Variants in HIPK3 observed in about 807,000 individuals in gnomAD.
HIPK3 encodes homeodomain-interacting protein kinase 3.
HIPK3 carries 47 observed loss-of-function variants against 124.2 expected under a neutral mutation model. That is an observed-to-expected ratio of 0.38 (90% CI 0.30 to 0.48). HIPK3 has a LOEUF of 0.48. Ranked by LOEUF, HIPK3 falls within the 20% of genes least tolerant of loss-of-function variation. The pLI is 0.98. For missense variants in HIPK3, 1,286 were observed against 1,454.3 expected (o/e 0.88, Z 1.88); for synonymous variants, 482 against 515.2 (o/e 0.94, Z 0.87).
intron 2 of HIPK3, among the ~76,000 whole-genome samples, chr11:33,307,565 A>ATT (rs550529907): frequency 1.4e-5 from 2 of 141,178 alleles, no homozygotes; most frequent in African/African-American, 2.6e-5. Context: ...CGCCTGGCTA[A>ATT]TTTTTTTTTT....
chr11:33,287,492 C>G lies in HIPK3; in HGVS notation c.1078C>G (p.Leu360Val). Residue 360 changes from leucine to valine, a missense_variant, in exon 2 of 17, where the codon CTA (leucine) becomes GTA (valine). Leu to Val is a conservative substitution (Grantham distance 32). Coordinates refer to ENST00000303296, the MANE Select transcript of HIPK3 (RefSeq NM_005734.5). ...HVSKTVCSTY[L>V]QSRYYRAPEI... The stretch of plus-strand genomic sequence containing the variant: ...ATCAAAGACTGTTTGTTCAACATAT[C>G]TACAATCTCGGTACTACAGGTAGGT... 8 of 1,611,018 alleles carry G rather than the reference C, an allele frequency of 5.0e-6. No homozygotes were observed. The highest frequency in any genetic ancestry group is 6.8e-6 in the Non-Finnish European group (8 of 1,177,850).
chr11:33,262,488 CA>C (rs2133861962), intron 1 of HIPK3, among the ~76,000 whole-genome samples: 1 of 152,340 alleles, frequency 6.6e-6, no homozygotes, highest in South Asian at 2.1e-4. Flanking sequence ...TCTGAGACAC[CA>C]CTGTTATGCC....
At chr11:33,267,197 A>G (rs1850990250) in intron 1 of HIPK3, among the ~76,000 whole-genome samples, 1 of 150,398 alleles carries the variant, frequency 6.6e-6, no homozygotes, top group African/African-American at 2.5e-5. Context: ...ATCTGGGCTC[A>G]CTGCAACCTC....
intron 2 of HIPK3, among the ~76,000 whole-genome samples, chr11:33,320,145 G>C (rs1401228769): frequency 6.6e-6 from 1 of 152,234 alleles, no homozygotes; most frequent in Non-Finnish European, 1.5e-5. Context: ...TGGGAGAATG[G>C]TAGGAAGTTT....
At chr11:33,256,755 G>A, upstream of HIPK3, 1 of 973,576 alleles carries the variant, frequency 1.0e-6, no homozygotes, top group South Asian at 4.7e-5. Flanking sequence ...ATGTGGAGGT[G>A]GGCGAACTTC....
intron 1 of HIPK3, among the ~76,000 whole-genome samples, chr11:33,268,997 T>C (rs1851050740): frequency 6.6e-6 from 1 of 152,220 alleles, no homozygotes; most frequent in Non-Finnish European, 1.5e-5. Flanking sequence ...TTAGGGACCA[T>C]GCTCTTACCT....
chr11:33,341,538 C>T lies in HIPK3; in HGVS notation c.1774-25C>T, dbSNP rs755038088. 8 of 1,588,886 alleles carry T rather than the reference C, an allele frequency of 5.0e-6. No individual in the cohort carries two copies. In the East Asian group the frequency reaches 6.7e-5, roughly 13 times the overall value. ...TGTATATTTCATTTAGAAGACTGCT[C>T]TATATAATGTGCTCGTTGTTTCAGG... is the stretch of plus-strand genomic sequence containing the variant. On this transcript the variant is annotated intron_variant, in intron 7 of 16. Coordinates refer to ENST00000303296, the MANE Select transcript of HIPK3 (RefSeq NM_005734.5).
At chr11:33,283,849 A>C (rs1390765303) in intron 1 of HIPK3, among the ~76,000 whole-genome samples, 2 of 151,516 alleles carry the variant, frequency 1.3e-5, no homozygotes, top group African/African-American at 4.8e-5. Flanking sequence ...TGATTTTTGT[A>C]TTTTTAGTAG....
At chr11:33,286,186 A>G (rs1851545422) in intron 1 of HIPK3, among the ~76,000 whole-genome samples, 1 of 152,142 alleles carries the variant, frequency 6.6e-6, no homozygotes, top group African/African-American at 2.4e-5. Context: ...TTAACGCAAT[A>G]CTCAGAATAG....
At chr11:33,351,371 A>C (rs1035780487) in intron 14 of HIPK3, among the ~76,000 whole-genome samples, 1 of 152,166 alleles carries the variant, frequency 6.6e-6, no homozygotes, top group African/African-American at 2.4e-5. Context: ...GAAAAAAAAA[A>C]TGCCAAAATG....
At chr11:33,336,179 A>C (rs1009788950) in intron 3 of HIPK3, among the ~76,000 whole-genome samples, 2 of 152,184 alleles carry the variant, frequency 1.3e-5, no homozygotes, top group African/African-American at 2.4e-5. Context: ...CTGGTCAATA[A>C]GGCAACATTT....
chr11:33,313,917 A>C (rs1358224792), intron 2 of HIPK3, among the ~76,000 whole-genome samples: 2 of 152,098 alleles, frequency 1.3e-5, no homozygotes, highest in Non-Finnish European at 2.9e-5. Flanking sequence ...AAGACAGCTC[A>C]CTGCAATCTT....
In HIPK3 at chr11:33,323,207, A is replaced by G. The variant is rs777788584; in HGVS notation, c.1098-5303A>G. ...AACATTATGCCAAGTGAAAGAAGCC[A>G]GTCACAAAGACTACGTATTATGGGA... On this transcript the variant is annotated intron_variant, in intron 2 of 16. Coordinates refer to ENST00000303296, the MANE Select transcript of HIPK3 (RefSeq NM_005734.5). Among the ~76,000 whole-genome samples, 4 of 152,358 alleles carry G rather than the reference A, an allele frequency of 2.6e-5. No homozygotes were observed. The East Asian group carries it at 5.8e-4, about 22-fold the overall frequency.
intron 2 of HIPK3, among the ~76,000 whole-genome samples, chr11:33,296,389 G>A (rs1351946896): frequency 6.6e-6 from 1 of 152,180 alleles, no homozygotes; most frequent in Non-Finnish European, 1.5e-5. Context: ...CACAGGTCAG[G>A]TATGCTCAGT....
chr11:33,337,617 A>G (rs966434396), intron 4 of HIPK3, among the ~76,000 whole-genome samples: 5 of 147,756 alleles, frequency 3.4e-5, no homozygotes, highest in Non-Finnish European at 6.0e-5. Flanking sequence ...CCGCCTCCCA[A>G]CGTGCTAGGA....
At chr11:33,305,038 T>C (rs1346884267) in intron 2 of HIPK3, among the ~76,000 whole-genome samples, 1 of 152,226 alleles carries the variant, frequency 6.6e-6, no homozygotes, top group Admixed American at 6.5e-5. Context: ...TCTTGCTCTG[T>C]CGCCCAGGCT....
Position 33,286,525 on chromosome 11 carries a change from A to G in HIPK3, c.111A>G (p.Glu37=), listed in dbSNP as rs1851557848. ...AGCCAAGCAGTTGTGTATTCCAGGA[A>G]AGAAACTATCCACGGACCTATGTGA... ...KVEPSSCVFQ[E]RNYPRTYVNG... Residue 37 remains glutamate, a synonymous_variant, in exon 2 of 17, where the codon GAA becomes GAG. Coordinates refer to ENST00000303296, the MANE Select transcript of HIPK3 (RefSeq NM_005734.5). The G allele has an allele frequency of 9.3e-6, 15 of 1,614,120 alleles. No homozygotes were observed. Among genetic ancestry groups the G allele is most frequent in the Non-Finnish European group, 1.3e-5 (15 of 1,180,018 alleles).
intron 1 of HIPK3, among the ~76,000 whole-genome samples, chr11:33,260,775 A>G (rs761091386): frequency 5.9e-5 from 9 of 152,188 alleles, no homozygotes; most frequent in Non-Finnish European, 8.8e-5. Context: ...AGAAGTTGTT[A>G]TTCCTGACTC....
chr11:33,343,351 G>C (rs1008141816), intron 8 of HIPK3, among the ~76,000 whole-genome samples: 2 of 148,194 alleles, frequency 1.3e-5, no homozygotes, highest in Non-Finnish European at 3.0e-5. Context: ...CACGATCTTG[G>C]CTCACTGCAC....
Sources: allele counts gnomAD v4.1 joint callset (sites outside exome capture counted in the v4.1 genomes callset), GRCh38; gene constraint gnomAD v4.1.1; transcripts MANE v1.5; gene names NCBI Gene and HGNC (gene_info 2026-07-23, HGNC 2026-07-21).